Variants in SLIT1 observed in about 807,000 individuals in gnomAD.
The protein encoded by SLIT1 is slit guidance ligand 1.
SLIT1 carries 66 observed loss-of-function variants against 186.1 expected under a neutral mutation model. That is an observed-to-expected ratio of 0.35 (90% confidence interval 0.29 to 0.44). The LOEUF is 0.44. SLIT1 is among the 20% of genes least tolerant of loss of function. SLIT1 has a pLI of 1.00. For missense variants in SLIT1, 1,638 were observed against 2,037.4 expected (o/e 0.80, Z 3.77); for synonymous variants, 761 against 833.8 (o/e 0.91, Z 1.50).
chr10:97,064,473 G>A lies in SLIT1; in HGVS notation c.558-234C>T, dbSNP rs532049355. ...ATAGACTCCAAGGCTGGTAGGATAG[G>A]GAGATGGAGCAGGGCGGGTGATGGG... On this transcript the variant is annotated intron_variant, in intron 6 of 36. Coordinates refer to ENST00000266058, the MANE Select transcript of SLIT1 (RefSeq NM_003061.3). Among the ~76,000 whole-genome samples, 8 of 152,330 alleles carry A rather than the reference G, an allele frequency of 5.3e-5. No homozygotes were observed. The East Asian group carries it at 1.5e-3, about 29-fold the overall frequency.
chr10:97,072,700 G>A (rs911842857), intron 4 of SLIT1, among the ~76,000 whole-genome samples: 2 of 152,206 alleles, frequency 1.3e-5, no homozygotes, highest in Admixed American at 6.5e-5. Flanking sequence ...AGGAAAACAG[G>A]TGAACCTTGG....
intron 1 of SLIT1, among the ~76,000 whole-genome samples, chr10:97,183,610 G>A (rs2134751151): frequency 6.6e-6 from 1 of 152,320 alleles, no homozygotes; most frequent in Middle Eastern, 3.4e-3. Context: ...TCTGTACTAG[G>A]AAATTTCATT....
At chr10:97,049,166 C>T (rs759908359) in intron 13 of SLIT1, 48 bp from the exon 14 acceptor site, 9 of 1,582,290 alleles carry the variant, frequency 5.7e-6, no homozygotes, top group East Asian at 4.5e-5. Flanking sequence ...GCTGCAAACC[C>T]GCGCTGACCT....
intron 4 of SLIT1, among the ~76,000 whole-genome samples, chr10:97,112,275 G>T (rs1849472399): frequency 6.6e-6 from 1 of 151,684 alleles, no homozygotes; most frequent in African/African-American, 2.4e-5. Context: ...TCACCCCTCG[G>T]CATCCACCAC....
At chr10:97,146,567 C>G (rs534366104) in intron 4 of SLIT1, among the ~76,000 whole-genome samples, 1 of 151,804 alleles carries the variant, frequency 6.6e-6, no homozygotes, top group South Asian at 2.1e-4. Context: ...CAGCCCCCCC[C>G]ACTGAACACC....
At chr10:97,117,505 G>T (rs998416994) in intron 4 of SLIT1, among the ~76,000 whole-genome samples, 2 of 152,158 alleles carry the variant, frequency 1.3e-5, no homozygotes, top group South Asian at 2.1e-4. Context: ...ACTATTCAAG[G>T]TTATAAATCC....
At chr10:97,150,097 C>A (rs2784923) in intron 4 of SLIT1, among the ~76,000 whole-genome samples, 121,673 of 152,090 alleles carry the variant, frequency 0.8, 50,974 homozygotes, top group Non-Finnish European at 0.92. Flanking sequence ...GAGTGATGGA[C>A]CGCCATCTCA....
chr10:97,061,791 G>A (rs183397165), intron 8 of SLIT1, among the ~76,000 whole-genome samples: 200 of 152,264 alleles, frequency 1.3e-3, no homozygotes, highest in Admixed American at 4.9e-3. Context: ...GGAGTTGGAG[G>A]GTCACAGGGT....
intron 13 of SLIT1, among the ~76,000 whole-genome samples, chr10:97,051,381 A>G (rs1157124359): frequency 6.6e-6 from 1 of 152,016 alleles, no homozygotes; most frequent in Admixed American, 6.6e-5. Flanking sequence ...GTTGGTGAGG[A>G]TTAGAATGAG....
chr10:97,152,233 C>T (rs1381864486), intron 4 of SLIT1, among the ~76,000 whole-genome samples: 2 of 152,094 alleles, frequency 1.3e-5, no homozygotes, highest in Non-Finnish European at 2.9e-5. Flanking sequence ...CAGGGTGTCT[C>T]TGCAGGGTCA....
chr10:97,018,595 G>A lies in SLIT1; in HGVS notation c.2960C>T (p.Ala987Val), dbSNP rs1848474614. 4 of 1,580,820 alleles carry A rather than the reference G, an allele frequency of 2.5e-6. No individual in the cohort carries two copies. The highest frequency in any genetic ancestry group is 2.3e-5 in the South Asian group (2 of 86,126). The change falls in exon 28 of 37, where the codon GCC (alanine) becomes GTC (valine). Residue 987 changes from alanine (A) to valine (V), a missense_variant. By Grantham distance (64) the Ala-to-Val change is moderately conservative. Transcript: ENST00000266058. ...CCTCCAGGTAACTCACGTGAACGGG[G>A]CATCCTCGCCCTCCTGTGCATGGCA... ...GTCHAQEGED[A>V]PFTCSCPTGF...
chr10:97,117,891 A>G (rs991543518), intron 4 of SLIT1, among the ~76,000 whole-genome samples: 3 of 152,230 alleles, frequency 2.0e-5, no homozygotes, highest in Non-Finnish European at 2.9e-5. Context: ...TGAAAGCTCA[A>G]TGAATACATT....
At position 97,047,012 on chromosome 10, in the gene SLIT1, T is replaced by A. The variant is rs1489032174; in HGVS notation, c.1688A>T (p.Lys563Ile). ...TCACATTTTCTTCAGATGTGTAAGTTTTTTAAACATCCCAGTGGCCTCCAG... is the reference window on the plus strand; with the variant it reads ...TCACATTTTCTTCAGATGTGTAAGTATTTTAAACATCCCAGTGGCCTCCAG... The part of the protein sequence containing the change: ...SILEATGMFK[K>I]LTHLKKINLS... The change falls in exon 17 of 37, where the codon AAA becomes ATA. Residue 563 changes from lysine (K) to isoleucine (I), a missense_variant. Coordinates refer to ENST00000266058, the MANE Select transcript of SLIT1 (RefSeq NM_003061.3). 1.2e-6 allele frequency: 2 copies of A among 1,612,556 alleles called. No homozygotes were observed. Among genetic ancestry groups the A allele is most frequent in the South Asian group, 2.2e-5 (2 of 91,052 alleles).
chr10:97,132,989 G>T (rs1849668838), intron 4 of SLIT1, among the ~76,000 whole-genome samples: 1 of 152,206 alleles, frequency 6.6e-6, no homozygotes, highest in Non-Finnish European at 1.5e-5. Flanking sequence ...CTGAGGTTTA[G>T]ATGAAAACAG....
chr10:97,040,467 C>T (rs1468924077), intron 20 of SLIT1, among the ~76,000 whole-genome samples: 1 of 152,144 alleles, frequency 6.6e-6, no homozygotes, highest in Non-Finnish European at 1.5e-5. Context: ...CTTAACAGTA[C>T]AGTTAGGGGT....
intron 4 of SLIT1, among the ~76,000 whole-genome samples, chr10:97,143,471 G>A (rs1012827019): frequency 6.6e-6 from 1 of 152,244 alleles, no homozygotes; most frequent in Non-Finnish European, 1.5e-5. Flanking sequence ...ACCTACCTGA[G>A]GCTGTGGGGA....
intron 1 of SLIT1, among the ~76,000 whole-genome samples, chr10:97,180,168 C>T (rs1850315776): frequency 6.6e-6 from 1 of 152,250 alleles, no homozygotes; most frequent in Admixed American, 6.5e-5. Flanking sequence ...AGAGGAGGGC[C>T]ACCCTGGGAT....
chr10:97,133,100 G>A (rs1849669718), intron 4 of SLIT1, among the ~76,000 whole-genome samples: 1 of 152,116 alleles, frequency 6.6e-6, no homozygotes, highest in Non-Finnish European at 1.5e-5. Flanking sequence ...CCAGAGAGTG[G>A]GAGCCACCCC....
Position 97,185,700 on chromosome 10 carries a change from G to A in SLIT1, c.-26C>T, listed in dbSNP as rs1850404962. ...GGTGCCCTCACAGCGTCCCGCTCGC[G>A]AGCCAGACGGCAGCAGCCGCTGACC... On this transcript the variant is annotated 5_prime_UTR_variant, in exon 1 of 37. Coordinates refer to ENST00000266058, the MANE Select transcript of SLIT1 (RefSeq NM_003061.3). 3 of 1,469,178 alleles carry A rather than the reference G, an allele frequency of 2.0e-6. No homozygotes were observed. Among genetic ancestry groups the A allele is most frequent in the South Asian group, 2.7e-5 (2 of 74,136 alleles). 91.0% of individuals were successfully genotyped at this position (1,469,178 alleles called of 1,614,324 possible).
Sources: gnomAD v4.1 joint callset for allele counts (sites outside exome capture counted in the v4.1 genomes callset) on GRCh38, gnomAD v4.1.1 for gene constraint, MANE v1.5 for transcripts, NCBI Gene and HGNC (gene_info 2026-07-23, HGNC 2026-07-21) for gene names.